ROBO1: variants seen among roughly 807,000 people sequenced by gnomAD.
ROBO1 encodes the protein roundabout homolog 1.
Under a neutral mutation model 195.9 loss-of-function variants are expected in ROBO1, and 149 were observed. The ratio of observed to expected loss-of-function variants is 0.76; its 90% confidence interval spans 0.67 to 0.87. The LOEUF is 0.87. Ranked by LOEUF, ROBO1 falls within the 40% of genes least tolerant of loss-of-function variation. The probability of loss-of-function intolerance (pLI) is 0.00; values close to 1 mark genes in which losing one functional copy is unlikely to be tolerated. For missense variants in ROBO1, 1,933 were observed against 2,068.3 expected (o/e 0.93, Z 1.27); for synonymous variants, 816 against 733.2 (o/e 1.11, Z -1.82).
intron 1 of ROBO1, among the ~76,000 whole-genome samples, chr3:79,742,351 C>T (rs900170200): frequency 1.3e-5 from 2 of 152,166 alleles, no homozygotes; most frequent in South Asian, 2.1e-4. Context: ...CTGGACATAG[C>T]GTCCTGGATC....
rs542782091 is a variant in ROBO1, at chr3:78,892,892, C to T, written c.499+45709G>A. Among the ~76,000 whole-genome samples, 7 of 152,252 alleles carry T rather than the reference C, an allele frequency of 4.6e-5. No individual in the cohort carries two copies. In the South Asian group the frequency reaches 1.0e-3, roughly 23 times the overall value. On this transcript the variant is annotated intron_variant, in intron 4 of 30. Transcript: ENST00000464233. ...TTCCACTCTCAAAAGATAAATATCG[C>T]CCATTTCCTTAAAATTCAGGACTCC...
chr3:79,608,130 A>G (rs1445866505), intron 1 of ROBO1, among the ~76,000 whole-genome samples: 1 of 152,008 alleles, frequency 6.6e-6, no homozygotes, highest in Non-Finnish European at 1.5e-5. Context: ...ACTTTGTTAC[A>G]TGCATGTGCT....
chr3:78,647,618 C>T lies in ROBO1; in HGVS notation c.2839+11G>A. 6.2e-7 allele frequency: 1 copy of T among 1,610,254 alleles called. No homozygotes were observed. The highest frequency in any genetic ancestry group is 1.1e-5 in the South Asian group (1 of 90,978). ...ACAATGGAAAGGAGGAGGGTAAGTG[C>T]AAATATATACCTGTTGGTGTGAAGG... On this transcript the variant is annotated intron_variant, in intron 20 of 30. Transcript: ENST00000464233.
At position 78,657,252 on chromosome 3, in the gene ROBO1, A is replaced by T; in HGVS notation, c.2460T>A (p.Asn820Lys). The T allele has an allele frequency of 1.9e-6, 3 of 1,613,682 alleles. No homozygotes were observed. Among genetic ancestry groups the T allele is most frequent in the Non-Finnish European group, 2.5e-6 (3 of 1,179,764 alleles). Residue 820 changes from asparagine (N) to lysine (K), a missense_variant, in exon 18 of 31, where the codon AAT (asparagine) becomes AAA (lysine). Asn to Lys is a moderately conservative substitution (Grantham distance 94, BLOSUM62 0). Transcript: ENST00000464233. Reference protein sequence around the residue: ...VQEYKVWCLGNETRYHINKTV... With the variant: ...VQEYKVWCLGKETRYHINKTV... ...TTTTGTTGATGTGGTATCGAGTTTC[A>T]TTGCCCAGACACCAAACCTGTAAGA...
chr3:79,572,328 A>G (rs759696775), intron 2 of ROBO1, among the ~76,000 whole-genome samples: 7 of 152,202 alleles, frequency 4.6e-5, no homozygotes, highest in South Asian at 2.1e-4. Flanking sequence ...CCTTTTTCTG[A>G]TTAGATGAAA....
intron 3 of ROBO1, among the ~76,000 whole-genome samples, chr3:79,084,059 A>G (rs1013121233): frequency 1.3e-5 from 2 of 152,164 alleles, no homozygotes; most frequent in East Asian, 3.9e-4. Flanking sequence ...TGCCTTTAAC[A>G]TTTCTAGATT....
rs932671399 is a variant in ROBO1, at chr3:79,754,417, C to T, written c.-51+13335G>A. On this transcript the variant is annotated intron_variant, in intron 1 of 30. Coordinates refer to ENST00000464233, the MANE Select transcript of ROBO1 (RefSeq NM_002941.4). ...TATACAGATTGGTATTTAATAGATG[C>T]CTGTTGAAGTGAACTATAACTTGTT... is the stretch of plus-strand genomic sequence containing the variant. Among the ~76,000 whole-genome samples the T allele has an allele frequency of 7.2e-5, 11 of 152,168 alleles. 1 individual carries two copies. The South Asian group carries it at 2.3e-3, about 32-fold the overall frequency.
chr3:79,700,188 T>C (rs1487464208), intron 1 of ROBO1, among the ~76,000 whole-genome samples: 5 of 151,866 alleles, frequency 3.3e-5, no homozygotes, highest in African/African-American at 1.2e-4. Flanking sequence ...GGCTGCATAG[T>C]ATTCCATAGT....
At chr3:79,222,885 G>T (rs921927351) in intron 2 of ROBO1, among the ~76,000 whole-genome samples, 6 of 152,098 alleles carry the variant, frequency 3.9e-5, no homozygotes, top group Non-Finnish European at 7.4e-5. Context: ...TTTTAGACCA[G>T]ATAGGATTTT....
At chr3:79,373,037 T>C (rs1438848925) in intron 2 of ROBO1, among the ~76,000 whole-genome samples, 2 of 152,170 alleles carry the variant, frequency 1.3e-5, no homozygotes, top group East Asian at 3.9e-4. Context: ...CATTTCTGTT[T>C]ACTGATGACT....
intron 1 of ROBO1, among the ~76,000 whole-genome samples, chr3:79,605,920 G>T (rs1355923854): frequency 2.0e-5 from 3 of 151,156 alleles, no homozygotes; most frequent in Non-Finnish European, 2.9e-5. Flanking sequence ...AGTAAAACAC[G>T]CTCAGTGTAA....
intron 4 of ROBO1, among the ~76,000 whole-genome samples, chr3:78,843,316 G>A (rs1203779610): frequency 1.3e-5 from 2 of 151,880 alleles, no homozygotes; most frequent in Non-Finnish European, 1.5e-5. Flanking sequence ...CACTGATTGG[G>A]GACTGAGACT....
chr3:78,768,995 G>A (rs1367672023), intron 4 of ROBO1, among the ~76,000 whole-genome samples: 1 of 152,032 alleles, frequency 6.6e-6, no homozygotes, highest in Non-Finnish European at 1.5e-5. Context: ...CATATGGTCT[G>A]TCTTGGAGAA....
At chr3:79,639,484 G>A (rs943312167) in intron 1 of ROBO1, among the ~76,000 whole-genome samples, 2 of 151,900 alleles carry the variant, frequency 1.3e-5, no homozygotes, top group African/African-American at 2.4e-5. Context: ...AATACAACCA[G>A]GTTGGAAAAA....
rs542196126 is a variant in ROBO1, at chr3:79,637,490, A to C, written c.-50-47529T>G. ...ATTGGAAAAAAAAAAGTCTCTGAAGACTCTTCCAATTTTTAATATGCAATA... is the reference window on the plus strand; with the variant it reads ...ATTGGAAAAAAAAAAGTCTCTGAAGCCTCTTCCAATTTTTAATATGCAATA... On this transcript the variant is annotated intron_variant, in intron 1 of 30. Transcript: ENST00000464233. Among the ~76,000 whole-genome samples the C allele has an allele frequency of 1.1e-4, 17 of 151,960 alleles. No homozygotes were observed. The East Asian group carries it at 3.1e-3, about 28-fold the overall frequency.
chr3:79,742,980 G>A (rs1703712735), intron 1 of ROBO1, among the ~76,000 whole-genome samples: 1 of 152,174 alleles, frequency 6.6e-6, no homozygotes, highest in Non-Finnish European at 1.5e-5. Context: ...GATTGAAAAT[G>A]TATTAGCCCA....
intron 2 of ROBO1, among the ~76,000 whole-genome samples, chr3:79,500,865 A>G (rs185915208): frequency 5.3e-5 from 8 of 152,296 alleles, no homozygotes; most frequent in Admixed American, 2.0e-4. Flanking sequence ...AACACAATAA[A>G]GGTGTGATGT....
At chr3:79,490,328 G>A (rs1404545692) in intron 2 of ROBO1, among the ~76,000 whole-genome samples, 2 of 152,170 alleles carry the variant, frequency 1.3e-5, no homozygotes. Flanking sequence ...CCCTTTGTAT[G>A]TGCTGTACTG....
At chr3:79,019,041 G>C in intron 3 of ROBO1, 1 of 989,438 alleles carries the variant, frequency 1.0e-6, no homozygotes, top group Non-Finnish European at 1.2e-6. Context: ...TCCGCGCGCA[G>C]AGAGCGAGCG....
Sources: allele counts gnomAD v4.1 joint callset (sites outside exome capture counted in the v4.1 genomes callset), GRCh38; gene constraint gnomAD v4.1.1; transcripts MANE v1.5; gene names NCBI Gene and HGNC (gene_info 2026-07-23, HGNC 2026-07-21).